PALM: variants seen among roughly 807,000 people sequenced by gnomAD.
PALM encodes paralemmin.
A neutral mutation model predicts 30.7 loss-of-function variants in PALM; 18 were observed. The observed-to-expected ratio is 0.59, with a 90% confidence interval of 0.41 to 0.87. The LOEUF (loss-of-function observed/expected upper bound fraction) is 0.87. Ranked by LOEUF, PALM falls within the 40% of genes least tolerant of loss-of-function variation. The pLI, the probability that PALM is intolerant of heterozygous loss-of-function variation, is 0.00. For synonymous variants in PALM, 286 were observed against 242.8 expected, an observed-to-expected ratio of 1.18 and a Z score of -1.66; for missense variants, 529 against 555.4, an observed-to-expected ratio of 0.95 and a Z score of 0.48.
At chr19:727,401 C>A (rs77432625) in intron 3 of PALM, among the ~76,000 whole-genome samples, 163 bp from the exon 4 acceptor site, 1 of 151,884 alleles carries the variant, frequency 6.6e-6, no homozygotes, top group Non-Finnish European at 1.5e-5. Context: ...GACCCCCAAC[C>A]TCGATTGTGA....
Position 745,073 on chromosome 19 carries a change from T to TA in PALM, c.635-1211dup, listed in dbSNP as rs142317095. Among the ~76,000 whole-genome samples the TA allele has an allele frequency of 0.03, 4,525 of 152,102 alleles. 364 individuals are homozygous for TA. The East Asian group carries it at 0.33, about 11-fold the overall frequency. On this transcript the variant is annotated intron_variant, in intron 8 of 8. Coordinates refer to ENST00000338448, the MANE Select transcript of PALM (RefSeq NM_002579.3). ...CAGGTGCCTGTAATCCCAGCTACTC[T>TA]AGAGACTGAGGCAGGATAATTGCTT...
At chr19:719,030 T>G in intron 1 of PALM, 3 of 380,992 alleles carry the variant, frequency 7.9e-6, no homozygotes, top group Non-Finnish European at 9.6e-6. Flanking sequence ...CCCGCGTGAC[T>G]CCCCCACCCC....
At chr19:717,865 A>T (rs1376633433) in intron 1 of PALM, among the ~76,000 whole-genome samples, 1 of 152,116 alleles carries the variant, frequency 6.6e-6, no homozygotes, top group African/African-American at 2.4e-5. Flanking sequence ...GGTGCCAGGG[A>T]CATGGCAGGG....
intron 1 of PALM, among the ~76,000 whole-genome samples, chr19:718,854 G>A (rs941685498): frequency 6.6e-6 from 1 of 152,040 alleles, no homozygotes; most frequent in South Asian, 2.1e-4. Flanking sequence ...CTTGGACTCC[G>A]GGGCTTGGAG....
rs1450655683 is a variant in PALM at position 719,343 on chromosome 19, A to C, written c.6-6795A>C. 4 of 985,312 alleles carry C rather than the reference A, an allele frequency of 4.1e-6. No homozygotes were observed. The African/African-American group carries it at 7.0e-5, about 17-fold the overall frequency. 61.0% of individuals were successfully genotyped at this position (985,312 alleles called of 1,614,324 possible). ...GCTCCCGTCGGGTTTGGGCCTCATG[A>C]ACTCATCTCCTGGAGCAGGACTATC... On this transcript the variant is annotated intron_variant, in intron 1 of 8. Transcript: ENST00000338448.
chr19:726,998 C>CCCCA lies in PALM; in HGVS notation c.58-10_58-9insCCCA. The CCCCA allele has an allele frequency of 1.4e-6, 2 of 1,460,794 alleles. No individual in the cohort carries two copies. Among genetic ancestry groups the CCCCA allele is most frequent in the Non-Finnish European group, 1.9e-6 (2 of 1,070,944 alleles). The allele number at this position is 1,460,794 out of a possible 1,614,324, so 90.5% of individuals were successfully genotyped here. Reference sequence around the variant, plus strand: ...CGCCCATCCCTGACCCCACCCGGCCCTCCCCACAGGAGAAGCGGAAGCGGC... The same window carrying CCCCA: ...CGCCCATCCCTGACCCCACCCGGCCCCCCATCCCCACAGGAGAAGCGGAAGCGGC... On this transcript the variant is annotated splice_polypyrimidine_tract_variant and intron_variant, in intron 2 of 8. Transcript: ENST00000338448.
chr19:734,287 C>T (rs956581573), intron 6 of PALM, 93 bp downstream of exon 6: 8 of 1,212,198 alleles, frequency 6.6e-6, no homozygotes, highest in African/African-American at 4.5e-5. Context: ...CAAAGTTGCT[C>T]GGTGCCTCAC....
intron 7 of PALM, among the ~76,000 whole-genome samples, chr19:738,157 A>G (rs2033077482): frequency 6.6e-6 from 1 of 151,928 alleles, no homozygotes; most frequent in African/African-American, 2.4e-5. Context: ...TTTGGAGGCC[A>G]AGGCGGGCAG....
intron 7 of PALM, among the ~76,000 whole-genome samples, chr19:738,509 A>G (rs1456413603): frequency 6.6e-6 from 1 of 151,794 alleles, no homozygotes; most frequent in Admixed American, 6.6e-5. Context: ...CTGGGCAACA[A>G]GAGCAAAACT....
intron 4 of PALM, among the ~76,000 whole-genome samples, chr19:728,879 C>T (rs139954708): frequency 0.059 from 9,033 of 152,146 alleles, 322 homozygotes; most frequent in African/African-American, 0.095. Flanking sequence ...TGGCGGGCAC[C>T]TGTAGTCCCA....
chr19:720,163 C>T (rs895004705), intron 1 of PALM, among the ~76,000 whole-genome samples: 7 of 151,572 alleles, frequency 4.6e-5, no homozygotes, highest in Non-Finnish European at 1.0e-4. Flanking sequence ...CCCCCCCAAT[C>T]CCCCCAAGCA....
rs1254493259 is a variant in PALM, at chr19:734,159, C to T, written c.421-14C>T. 3.1e-6 allele frequency: 5 copies of T among 1,613,924 alleles called. No individual in the cohort carries two copies. Among genetic ancestry groups the T allele is most frequent in the Non-Finnish European group, 4.2e-6 (5 of 1,179,888 alleles). On this transcript the variant is annotated splice_polypyrimidine_tract_variant and intron_variant, in intron 5 of 8. Transcript: ENST00000338448. ...ATGCTGACGCCCCTGACCCTTCTCT[C>T]TTCTTTCTTGCAGACGCCGGTGGGC...
In PALM at chr19:747,289, C is replaced by T. The variant is rs1175041164; in HGVS notation, c.*475C>T. 1 of 160,240 alleles carries T rather than the reference C, an allele frequency of 6.2e-6. No homozygotes were observed. Among genetic ancestry groups the T allele is most frequent in the African/African-American group, 2.4e-5 (1 of 41,500 alleles). The allele number at this position is 160,240 out of a possible 1,614,324, so 9.9% of individuals were successfully genotyped here. Reference sequence around the variant, plus strand: ...CTGCTCAGGCCCTGGAAGTGAGGCTCTATGGGGTTCCCTGGCCAAGGCGCT... The same window carrying T: ...CTGCTCAGGCCCTGGAAGTGAGGCTTTATGGGGTTCCCTGGCCAAGGCGCT... On this transcript the variant is annotated 3_prime_UTR_variant, in exon 9 of 9. Transcript: ENST00000338448.
intron 7 of PALM, among the ~76,000 whole-genome samples, chr19:739,123 A>C (rs2033111533): frequency 6.6e-6 from 1 of 152,132 alleles, no homozygotes; most frequent in African/African-American, 2.4e-5. Flanking sequence ...TGGTTTCTGC[A>C]GGAATGATTT....
intron 5 of PALM, 32 bp from the exon 6 acceptor site, chr19:734,141 C>G (rs780466267): frequency 6.2e-7 from 1 of 1,612,780 alleles, no homozygotes; most frequent in South Asian, 1.1e-5. Context: ...GGGATGCTGA[C>G]GCCCCTGACC....
At chr19:718,628 G>T (rs1359612650) in intron 1 of PALM, among the ~76,000 whole-genome samples, 1 of 152,088 alleles carries the variant, frequency 6.6e-6, no homozygotes, top group Non-Finnish European at 1.5e-5. Flanking sequence ...TCTCCCCCGG[G>T]GTGATGCCTC....
intron 5 of PALM, among the ~76,000 whole-genome samples, chr19:733,738 G>A (rs543055598): frequency 6.6e-6 from 1 of 152,322 alleles, no homozygotes; most frequent in East Asian, 1.9e-4. Flanking sequence ...TGTAATCCCG[G>A]CACTTTGGGA....
intron 7 of PALM, among the ~76,000 whole-genome samples, chr19:736,458 A>G (rs2033027623): frequency 6.6e-6 from 1 of 152,178 alleles, no homozygotes; most frequent in Non-Finnish European, 1.5e-5. Context: ...GTCCTCGGGC[A>G]GTAGGACTGG....
chr19:718,138 C>T (rs1264513338), intron 1 of PALM, among the ~76,000 whole-genome samples: 6 of 152,034 alleles, frequency 3.9e-5, no homozygotes, highest in East Asian at 1.9e-4. Flanking sequence ...GCCGAGATCG[C>T]GCCACCGCAC....
Sources: allele counts gnomAD v4.1 joint callset (sites outside exome capture counted in the v4.1 genomes callset), GRCh38; gene constraint gnomAD v4.1.1; transcripts MANE v1.5; gene names NCBI Gene and HGNC (gene_info 2026-07-23, HGNC 2026-07-21).